Variants in THSD4 observed in about 807,000 individuals in gnomAD.
The protein encoded by THSD4 is thrombospondin type-1 domain-containing protein 4.
A neutral mutation model predicts 119.0 loss-of-function variants in THSD4; 69 were observed. That is an observed-to-expected ratio of 0.58 (90% confidence interval 0.48 to 0.71). THSD4 has a LOEUF of 0.71. THSD4 is among the 30% of genes least tolerant of loss of function. The pLI is 0.00. For missense variants in THSD4, 1,393 were observed against 1,391.1 expected, an observed-to-expected ratio of 1.00 and a Z score of -0.02; for synonymous variants, 524 against 540.4, an observed-to-expected ratio of 0.97 and a Z score of 0.42.
At chr15:71,336,870 G>A (rs971734133) in intron 6 of THSD4, among the ~76,000 whole-genome samples, 19 of 152,128 alleles carry the variant, frequency 1.2e-4, no homozygotes, top group African/African-American at 4.1e-4. Context: ...CACTTTCACC[G>A]GTGGAAAATG....
At chr15:71,136,340 C>T (rs1451174231) in intron 1 of THSD4, among the ~76,000 whole-genome samples, 1 of 152,002 alleles carries the variant, frequency 6.6e-6, no homozygotes, top group Non-Finnish European at 1.5e-5. Context: ...AACAGATGGT[C>T]AAGGTTGCAT....
intron 7 of THSD4, among the ~76,000 whole-genome samples, chr15:71,442,552 G>A (rs1455112796): frequency 1.0e-5 from 1 of 99,750 alleles, no homozygotes; most frequent in African/African-American, 3.8e-5. Context: ...CTGGGCAACA[G>A]AGCAAAACTC....
intron 8 of THSD4, among the ~76,000 whole-genome samples, chr15:71,697,497 T>C (rs1245843875): frequency 1.3e-5 from 2 of 152,124 alleles, no homozygotes; most frequent in Non-Finnish European, 2.9e-5. Flanking sequence ...TGCCAGAGGA[T>C]CCCAGGGCCG....
At chr15:71,547,980 G>A (rs537823445) in intron 7 of THSD4, among the ~76,000 whole-genome samples, 43 of 152,008 alleles carry the variant, frequency 2.8e-4, no homozygotes, top group African/African-American at 1.0e-3. Flanking sequence ...TGAAGAGGGA[G>A]AATGATATAC....
At chr15:71,595,869 G>A (rs943550017) in intron 7 of THSD4, among the ~76,000 whole-genome samples, 1 of 152,204 alleles carries the variant, frequency 6.6e-6, no homozygotes, top group Non-Finnish European at 1.5e-5. Flanking sequence ...CCCAAGGTCT[G>A]CGAAAGTGAC....
At chr15:71,442,508 G>T (rs2047111882) in intron 7 of THSD4, among the ~76,000 whole-genome samples, 1 of 141,334 alleles carries the variant, frequency 7.1e-6, no homozygotes, top group African/African-American at 2.6e-5. Flanking sequence ...GGCAGAGGTT[G>T]CAGCGAGCCG....
chr15:71,516,311 A>G (rs1406135412), intron 7 of THSD4, among the ~76,000 whole-genome samples: 2 of 152,030 alleles, frequency 1.3e-5, no homozygotes, highest in Non-Finnish European at 2.9e-5. Flanking sequence ...TTTTGTCCCA[A>G]TTTACCACCG....
intron 6 of THSD4, among the ~76,000 whole-genome samples, chr15:71,411,204 G>C (rs1018768072): frequency 6.6e-6 from 1 of 152,170 alleles, no homozygotes; most frequent in African/African-American, 2.4e-5. Flanking sequence ...TTTGCATGGC[G>C]AGTCTTTGAG....
At chr15:71,288,997 G>C (rs1397600643) in intron 6 of THSD4, among the ~76,000 whole-genome samples, 1 of 152,132 alleles carries the variant, frequency 6.6e-6, no homozygotes, top group Non-Finnish European at 1.5e-5. Context: ...CTATCTTTTA[G>C]GAAGATAGCT....
In THSD4 at chr15:71,412,087, C is replaced by G. The variant is rs145641968; in HGVS notation, c.1152+264C>G. Among the ~76,000 whole-genome samples the G allele has an allele frequency of 1.5e-3, 226 of 152,294 alleles. 2 individuals are homozygous for G. Among genetic ancestry groups the G allele is most frequent in the African/African-American group, 5.0e-3 (206 of 41,566 alleles). On this transcript the variant is annotated intron_variant, in intron 7 of 17. Transcript: ENST00000261862. ...TTGACACCACATGCTTCACAAGGGA[C>G]ACAGCAATCTTTGCGAGTTGGATCT... is the stretch of plus-strand genomic sequence containing the variant.
At chr15:71,224,578 T>C (rs1382180910) in intron 4 of THSD4, among the ~76,000 whole-genome samples, 1 of 152,168 alleles carries the variant, frequency 6.6e-6, no homozygotes, top group Non-Finnish European at 1.5e-5. Context: ...ACTACACACT[T>C]AGTTGCTTAA....
chr15:71,237,376 G>C (rs1169066862), intron 4 of THSD4, among the ~76,000 whole-genome samples: 2 of 152,200 alleles, frequency 1.3e-5, no homozygotes, highest in Non-Finnish European at 2.9e-5. Context: ...AAGTCTTCTA[G>C]GTGAGTCTGA....
intron 7 of THSD4, among the ~76,000 whole-genome samples, chr15:71,611,421 G>GCCCCTA (rs897638090): frequency 2.8e-4 from 42 of 152,294 alleles, no homozygotes; most frequent in Admixed American, 5.9e-4. Flanking sequence ...CCTGCTGCCA[G>GCCCCTA]CCCCTACCCC....
chr15:71,707,803 C>G (rs551745386), intron 8 of THSD4, among the ~76,000 whole-genome samples: 1 of 152,186 alleles, frequency 6.6e-6, no homozygotes, highest in African/African-American at 2.4e-5. Context: ...TCTAACCAAG[C>G]AAGCTAACAT....
intron 3 of THSD4, among the ~76,000 whole-genome samples, chr15:71,211,358 C>T (rs745748622): frequency 5.9e-5 from 9 of 152,034 alleles, no homozygotes; most frequent in African/African-American, 1.2e-4. Context: ...AGGTGTTGAG[C>T]GATTTAGTTT....
At chr15:71,362,149 C>A (rs905453056) in intron 6 of THSD4, among the ~76,000 whole-genome samples, 7 of 152,096 alleles carry the variant, frequency 4.6e-5, no homozygotes, top group African/African-American at 1.7e-4. Context: ...CTTGGTGGTG[C>A]ATGCCTGTAA....
intron 4 of THSD4, among the ~76,000 whole-genome samples, chr15:71,223,486 T>C (rs1024057625): frequency 1.3e-5 from 2 of 152,356 alleles, no homozygotes; most frequent in African/African-American, 2.4e-5. Flanking sequence ...TCATTAGAAG[T>C]TGGCCCTGCA....
intron 7 of THSD4, among the ~76,000 whole-genome samples, chr15:71,415,820 G>A (rs186690800): frequency 6.2e-4 from 94 of 152,046 alleles, no homozygotes; most frequent in Middle Eastern, 3.4e-3. Context: ...TTTTTAAGAC[G>A]GAGTCTTACT....
chr15:71,583,258 T>C (rs1208694981), intron 7 of THSD4, among the ~76,000 whole-genome samples: 1 of 152,162 alleles, frequency 6.6e-6, no homozygotes, highest in African/African-American at 2.4e-5. Flanking sequence ...ATATCAGTTA[T>C]AATCTCTCCG....
Sources: allele counts gnomAD v4.1 joint callset (sites outside exome capture counted in the v4.1 genomes callset), GRCh38; gene constraint gnomAD v4.1.1; transcripts MANE v1.5; gene names NCBI Gene and HGNC (gene_info 2026-07-23, HGNC 2026-07-21).